Variants in SIK2 observed in about 807,000 individuals in gnomAD.
SIK2 encodes the protein serine/threonine-protein kinase SIK2.
In SIK2, 29 loss-of-function variants were observed where a neutral mutation model predicts 103.2. The observed-to-expected ratio is 0.28, with a 90% CI of 0.21 to 0.38. The LOEUF (loss-of-function observed/expected upper bound fraction) is 0.38. Ranked by LOEUF, SIK2 falls within the 10% of genes least tolerant of loss-of-function variation. SIK2 has a pLI of 1.00. For missense variants in SIK2, 879 were observed against 1,171.0 expected (o/e 0.75, Z 3.64); for synonymous variants, 412 against 446.1 (o/e 0.92, Z 0.96).
At position 111,701,294 on chromosome 11, in the gene SIK2, AGTC is replaced by A. The variant is rs1211035755; in HGVS notation, c.604-157_604-155del. 6.6e-6 allele frequency among the ~76,000 whole-genome samples: 1 copy of A among 152,254 alleles called. No homozygotes were observed. Among genetic ancestry groups the A allele is most frequent in the Non-Finnish European group, 1.5e-5 (1 of 68,046 alleles). The stretch of plus-strand genomic sequence containing the variant: ...TTTATTATAAGATACTTATTGTAGT[AGTC>A]AGGGTTTTGGATTTTTTTCAAATTC... On this transcript the variant is annotated intron_variant, in intron 5 of 14. Transcript: ENST00000304987. The surrounding 1 kb of genome is among the most constrained non-coding windows in gnomAD (Gnocchi z 4.2).
chr11:111,605,216 G>A (rs1941634320), intron 1 of SIK2, among the ~76,000 whole-genome samples: 1 of 152,078 alleles, frequency 6.6e-6, no homozygotes, highest in Non-Finnish European at 1.5e-5. Flanking sequence ...ACACGCCTTG[G>A]CCCCACAAAG....
rs959656856 is a variant in SIK2 at position 111,648,982 on chromosome 11, G to A, written c.316+28580G>A. Among the ~76,000 whole-genome samples the A allele has an allele frequency of 7.9e-5, 12 of 152,036 alleles. No homozygotes were observed. The East Asian group carries it at 2.3e-3, about 29-fold the overall frequency. ...CAGTATATGTCTCCCTACCAATTAT[G>A]GTCTCCTGCTCAATGTGTTCTTGAA... is the stretch of plus-strand genomic sequence containing the variant. On this transcript the variant is annotated intron_variant, in intron 3 of 14. Transcript: ENST00000304987.
intron 3 of SIK2, among the ~76,000 whole-genome samples, chr11:111,668,024 G>C (rs1942570412): frequency 6.6e-6 from 1 of 152,126 alleles, no homozygotes. Flanking sequence ...ACCCAGACAG[G>C]AGTCAGGAAA....
intron 3 of SIK2, among the ~76,000 whole-genome samples, chr11:111,628,600 ATT>A (rs1941997473): frequency 6.6e-6 from 1 of 151,474 alleles, no homozygotes; most frequent in African/African-American, 2.4e-5. Flanking sequence ...TAATTTTTAA[ATT>A]TTTTTGTAGA....
chr11:111,640,175 GCT>G (rs1364473111), intron 3 of SIK2, among the ~76,000 whole-genome samples: 1 of 152,150 alleles, frequency 6.6e-6, no homozygotes, highest in African/African-American at 2.4e-5. Context: ...GTATATCTTA[GCT>G]TGTGATTTTC....
intron 4 of SIK2, among the ~76,000 whole-genome samples, chr11:111,698,130 A>G (rs1298324280): frequency 3.3e-5 from 5 of 152,252 alleles, no homozygotes; most frequent in Non-Finnish European, 7.3e-5. Flanking sequence ...ATATCCCTAT[A>G]GACCCAAGTT....
chr11:111,717,342 A>AAAAG (rs2135962158), intron 9 of SIK2, among the ~76,000 whole-genome samples: 1 of 151,066 alleles, frequency 6.6e-6, no homozygotes, highest in Non-Finnish European at 1.5e-5. Context: ...AAAAAAAAAA[A>AAAAG]AGCTCAACAT....
chr11:111,613,493 T>C (rs551361641), intron 1 of SIK2, among the ~76,000 whole-genome samples: 1 of 152,344 alleles, frequency 6.6e-6, no homozygotes, highest in East Asian at 1.9e-4. Context: ...TATTCAATTA[T>C]ACACTTATCC....
intron 8 of SIK2, among the ~76,000 whole-genome samples, chr11:111,708,722 C>T (rs1053486245): frequency 2.6e-5 from 4 of 151,954 alleles, no homozygotes; most frequent in African/African-American, 9.7e-5. Context: ...TAGCTGGGAC[C>T]ACAAGTGCAT....
At position 111,626,842 on chromosome 11, in the gene SIK2, A is replaced by C. The variant is rs930280416; in HGVS notation, c.316+6440A>C. 8.6e-4 allele frequency among the ~76,000 whole-genome samples: 131 copies of C among 152,092 alleles called. 1 individual carries two copies. The highest frequency in any genetic ancestry group is 2.5e-4 in the Non-Finnish European group (17 of 68,012). ...GGGCCCTTAAACATGCCTTGCTCTT[A>C]ATTACTCTTTATAAGGAAGATTCCT... On this transcript the variant is annotated intron_variant, in intron 3 of 14. Transcript: ENST00000304987.
intron 4 of SIK2, among the ~76,000 whole-genome samples, chr11:111,692,350 C>CAAAAAAAAAAAAAAAAAAAAAAAAAAAAA (rs763369049): frequency 7.6e-5 from 2 of 26,488 alleles, no homozygotes; most frequent in Non-Finnish European, 1.4e-4. Context: ...GACTCAGTCT[C>CAAAAAAAAAAAAAAAAAAAAAAAAAAAAA]AAAAAAAAAA....
chr11:111,705,230 C>T lies in SIK2; in HGVS notation c.1101+91C>T. The T allele has an allele frequency of 7.7e-7, 1 of 1,303,502 alleles. No homozygotes were observed. The highest frequency in any genetic ancestry group is 1.0e-6 in the Non-Finnish European group (1 of 1,001,864). 80.7% of individuals were successfully genotyped at this position (1,303,502 alleles called of 1,614,324 possible). Reference sequence around the variant, plus strand: ...CATCTTATACACAGGGTTAGGATTTCATCCTCTACACTCCGTTTTTCTGTA... The same window carrying T: ...CATCTTATACACAGGGTTAGGATTTTATCCTCTACACTCCGTTTTTCTGTA... On this transcript the variant is annotated intron_variant, in intron 8 of 14. Coordinates refer to ENST00000304987, the MANE Select transcript of SIK2 (RefSeq NM_015191.3). The surrounding 1 kb of genome is among the most constrained non-coding windows in gnomAD (Gnocchi z 4.3).
intron 3 of SIK2, among the ~76,000 whole-genome samples, chr11:111,659,601 A>G (rs922119943): frequency 2.0e-5 from 3 of 150,618 alleles, no homozygotes; most frequent in East Asian, 1.9e-4. Context: ...TCCTTTTACA[A>G]TGGCTCAAAC....
At chr11:111,640,398 G>C (rs1200129392) in intron 3 of SIK2, among the ~76,000 whole-genome samples, 1 of 152,192 alleles carries the variant, frequency 6.6e-6, no homozygotes, top group East Asian at 1.9e-4. Flanking sequence ...TTTTAAGATA[G>C]ATTTGCTTTT....
intron 3 of SIK2, among the ~76,000 whole-genome samples, chr11:111,630,731 G>A (rs922318070): frequency 6.6e-6 from 1 of 152,040 alleles, no homozygotes; most frequent in Non-Finnish European, 1.5e-5. Context: ...ATGAAGTGGG[G>A]GTATTTGGTC....
intron 3 of SIK2, among the ~76,000 whole-genome samples, chr11:111,650,472 T>C (rs1046623063): frequency 3.3e-5 from 5 of 152,136 alleles, no homozygotes; most frequent in African/African-American, 4.8e-5. Context: ...TTAAAAAATA[T>C]TTATTGTGCA....
In SIK2 at chr11:111,704,233, C is replaced by T. The variant is rs555646836; in HGVS notation, c.949-754C>T. ...AAGTGCATCCTGAGCAGTAGCTGGG[C>T]GTGTGATTCCACTGACCTGTGATTT... On this transcript the variant is annotated intron_variant, in intron 7 of 14. Coordinates refer to ENST00000304987, the MANE Select transcript of SIK2 (RefSeq NM_015191.3). Among the ~76,000 whole-genome samples, 3 of 152,230 alleles carry T rather than the reference C, an allele frequency of 2.0e-5. No homozygotes were observed. The South Asian group carries it at 6.2e-4, about 32-fold the overall frequency.
intron 1 of SIK2, among the ~76,000 whole-genome samples, chr11:111,611,866 G>C (rs1239550463): frequency 6.6e-6 from 1 of 152,188 alleles, no homozygotes; most frequent in Admixed American, 6.5e-5. Flanking sequence ...GGGATATAGA[G>C]AGGAAGTTCC....
intron 3 of SIK2, among the ~76,000 whole-genome samples, chr11:111,665,730 G>T (rs1819194909): frequency 6.6e-6 from 1 of 152,016 alleles, no homozygotes; most frequent in Non-Finnish European, 1.5e-5. Context: ...CGAGGCTGAG[G>T]CAGGAGAATC....
Sources: gnomAD v4.1 joint callset for allele counts (sites outside exome capture counted in the v4.1 genomes callset) on GRCh38, gnomAD v4.1.1 for gene constraint, Gnocchi (gnomAD v3.1) non-coding constraint, MANE v1.5 for transcripts, NCBI Gene and HGNC (gene_info 2026-07-23, HGNC 2026-07-21) for gene names.